CTNND1: variants seen among roughly 807,000 people sequenced by gnomAD.
The protein encoded by CTNND1 is catenin delta 1.
In CTNND1, 16 loss-of-function variants were observed where a neutral mutation model predicts 112.1. The ratio of observed to expected loss-of-function variants is 0.14; its 90% CI spans 0.10 to 0.22. CTNND1 has a LOEUF of 0.22. Ranked by LOEUF, CTNND1 falls within the 10% of genes least tolerant of loss-of-function variation. CTNND1 has a pLI of 1.00. For synonymous variants in CTNND1, 420 were observed against 446.5 expected (o/e 0.94, Z 0.75); for missense variants, 1,008 against 1,257.0 (o/e 0.80, Z 3.00).
chr11:57,780,662 A>G (rs1442327274), intron 1 of CTNND1, among the ~76,000 whole-genome samples: 3 of 152,208 alleles, frequency 2.0e-5, no homozygotes, highest in African/African-American at 7.2e-5. Context: ...TCCTCCTGCT[A>G]TCTGTCCTAA....
At chr11:57,789,911 A>G (rs1157439115) in intron 2 of CTNND1, among the ~76,000 whole-genome samples, 2 of 152,176 alleles carry the variant, frequency 1.3e-5, no homozygotes, top group Non-Finnish European at 2.9e-5. Flanking sequence ...TCCTTTTCCT[A>G]CTTCCCAAGG....
intron 1 of CTNND1, among the ~76,000 whole-genome samples, chr11:57,768,386 CTTTTTTTT>C (rs10617530): frequency 2.2e-4 from 9 of 40,282 alleles, no homozygotes; most frequent in Admixed American, 7.3e-4. Context: ...GGACATCATC[CTTTTTTTT>C]TTTTTTTTTT....
Position 57,811,498 on chromosome 11 carries a change from A to G in CTNND1, c.2638+12A>G. On this transcript the variant is annotated intron_variant, in intron 17 of 20. Transcript: ENST00000399050. ...GAACCAAAAATCAGGTGCAGTATCC[A>G]GAAGGCACACCCTCTCCTTTTAGCC... is the stretch of plus-strand genomic sequence containing the variant. The G allele has an allele frequency of 6.3e-7, 1 of 1,584,574 alleles. No individual in the cohort carries two copies. The highest frequency in any genetic ancestry group is 8.7e-7 in the Non-Finnish European group (1 of 1,154,172).
At chr11:57,810,775 C>T (rs1038713264) in intron 16 of CTNND1, among the ~76,000 whole-genome samples, 2 of 151,686 alleles carry the variant, frequency 1.3e-5, no homozygotes, top group Non-Finnish European at 2.9e-5. Context: ...GGAAACATGG[C>T]GAAACCCATC....
intron 1 of CTNND1, among the ~76,000 whole-genome samples, chr11:57,771,267 T>A (rs1952519979): frequency 6.6e-6 from 1 of 152,176 alleles, no homozygotes; most frequent in African/African-American, 2.4e-5. Flanking sequence ...AGACCTACTG[T>A]TTGTTCTCAA....
At position 57,803,694 on chromosome 11, in the gene CTNND1, A is replaced by G; in HGVS notation, c.1494A>G (p.Thr498=). 6.2e-7 allele frequency: 1 copy of G among 1,613,692 alleles called. No individual in the cohort carries two copies. The highest frequency in any genetic ancestry group is 8.5e-7 in the Non-Finnish European group (1 of 1,179,718). ...EIVDHALHAL[T]DEVIIPHSGW... The stretch of plus-strand genomic sequence containing the variant: ...TGGACCATGCACTGCATGCCTTGAC[A>G]GATGAAGTGATCATTCCTCATTCTG... Residue 498 remains threonine (T), a synonymous_variant, in exon 8 of 21, where the codon ACA becomes ACG. Transcript: ENST00000399050.
intron 1 of CTNND1, among the ~76,000 whole-genome samples, chr11:57,766,743 G>A (rs1453504162): frequency 1.3e-5 from 2 of 152,142 alleles, no homozygotes; most frequent in Non-Finnish European, 2.9e-5. Flanking sequence ...ATTGTTTAAT[G>A]TATTTTTCGG....
intron 17 of CTNND1, among the ~76,000 whole-genome samples, chr11:57,812,854 T>C (rs2063532119): frequency 6.6e-6 from 1 of 152,136 alleles, no homozygotes; most frequent in African/African-American, 2.4e-5. Flanking sequence ...AAAAAATGTG[T>C]GGTAGACAAA....
intron 1 of CTNND1, among the ~76,000 whole-genome samples, chr11:57,762,558 T>C (rs1950088321): frequency 6.6e-6 from 1 of 152,190 alleles, no homozygotes; most frequent in Non-Finnish European, 1.5e-5. Flanking sequence ...AGTGGAAAGT[T>C]GCAGGGAGCT....
At chr11:57,778,211 C>T (rs1012233200) in intron 1 of CTNND1, among the ~76,000 whole-genome samples, 2 of 151,880 alleles carry the variant, frequency 1.3e-5, no homozygotes, top group African/African-American at 4.8e-5. Flanking sequence ...GAGTCCGCTG[C>T]CTTTGTTTGT....
chr11:57,766,901 G>A lies in CTNND1; in HGVS notation c.-214+4782G>A, dbSNP rs115946839. ...TCTTCTCCAGTGAGCCCTTCAGTTT[G>A]ATTGGTGTGGTGTGGACAATTTAGA... On this transcript the variant is annotated intron_variant, in intron 1 of 20. Coordinates refer to ENST00000399050, the MANE Select transcript of CTNND1 (RefSeq NM_001085458.2). 8.6e-3 allele frequency among the ~76,000 whole-genome samples: 1,303 copies of A among 152,024 alleles called. 26 individuals are homozygous for A. Among genetic ancestry groups the A allele is most frequent in the African/African-American group, 0.029 (1,206 of 41,466 alleles).
intron 1 of CTNND1, among the ~76,000 whole-genome samples, chr11:57,770,793 A>G (rs989172287): frequency 2.0e-5 from 3 of 152,246 alleles, no homozygotes; most frequent in African/African-American, 7.2e-5. Context: ...CAATACCTTT[A>G]TCAAAGCACC....
intron 20 of CTNND1, 23 bp from the exon 21 acceptor site, chr11:57,816,274 C>G: frequency 2.5e-6 from 4 of 1,613,380 alleles, no homozygotes; most frequent in Non-Finnish European, 3.4e-6. Context: ...TTAACATTCT[C>G]TCTTTCTCTT....
intron 1 of CTNND1, among the ~76,000 whole-genome samples, chr11:57,766,791 G>A (rs1304573982): frequency 1.3e-5 from 2 of 152,076 alleles, no homozygotes; most frequent in African/African-American, 4.8e-5. Flanking sequence ...GGAATTGCAT[G>A]TTATTATTAA....
Position 57,801,833 on chromosome 11 carries a change from C to G in CTNND1, c.1057C>G (p.Leu353Val). The change falls in exon 7 of 21, where the codon CTG becomes GTG. Residue 353 changes from leucine to valine, a missense_variant. Leu to Val is a conservative substitution (Grantham distance 32, BLOSUM62 1). This residue lies in a region of CTNND1 where 216 missense variants were observed against 342.8 expected (regional missense o/e 0.63). Coordinates refer to ENST00000399050, the MANE Select transcript of CTNND1 (RefSeq NM_001085458.2). ...AGGAAGTTTAGCAAGCTTGGATAGC[C>G]TGCGCAAAGGAGGGCCTCCACCTCC... Reference protein sequence around the residue: ...ERGSLASLDSLRKGGPPPPNW... With the variant: ...ERGSLASLDSVRKGGPPPPNW... The G allele has an allele frequency of 6.2e-7, 1 of 1,614,030 alleles. No homozygotes were observed. The highest frequency in any genetic ancestry group is 8.5e-7 in the Non-Finnish European group (1 of 1,179,896).
At chr11:57,770,351 A>G (rs1042778574) in intron 1 of CTNND1, among the ~76,000 whole-genome samples, 8 of 151,406 alleles carry the variant, frequency 5.3e-5, no homozygotes, top group Non-Finnish European at 1.2e-4. Context: ...ATAAAAAAAA[A>G]AAAGAAAGAT....
rs762711712 is a variant in CTNND1 at position 57,795,599 on chromosome 11, G to C, written c.290G>C (p.Ser97Thr). The change falls in exon 5 of 21, where the codon AGC becomes ACC. Residue 97 changes from serine (S) to threonine (T), a missense_variant. By Grantham distance (58) the Ser-to-Thr change is moderately conservative. Around this residue, in one of 5 missense-constraint regions of CTNND1, gnomAD observed 404 missense variants for 457.9 expected, o/e 0.88. Coordinates refer to ENST00000399050, the MANE Select transcript of CTNND1 (RefSeq NM_001085458.2). Reference protein sequence around the residue: ...GPQDHSHLLYSTIPRMQEPGQ... With the variant: ...GPQDHSHLLYTTIPRMQEPGQ... ...TAGGATCACAGTCACCTTCTATATA[G>C]CACCATCCCCAGGATGCAGGAGCCG... 2 of 1,611,644 alleles carry C rather than the reference G, an allele frequency of 1.2e-6. No individual in the cohort carries two copies. The highest frequency in any genetic ancestry group is 1.7e-4 in the Middle Eastern group (1 of 5,844).
In CTNND1 at chr11:57,816,733, T is replaced by A. The variant is rs984859591; in HGVS notation, c.*425T>A. 1 of 167,846 alleles carries A rather than the reference T, an allele frequency of 6.0e-6. No individual in the cohort carries two copies. The highest frequency in any genetic ancestry group is 2.4e-5 in the African/African-American group (1 of 41,858). 10.4% of individuals were successfully genotyped at this position (167,846 alleles called of 1,614,324 possible). On this transcript the variant is annotated 3_prime_UTR_variant, in exon 21 of 21. Coordinates refer to ENST00000399050, the MANE Select transcript of CTNND1 (RefSeq NM_001085458.2). ...TCCAGCAGTCTGATAAACTGACGATTCTTAATCAAGATTTTTTTCCTGATG... is the reference window on the plus strand; with the variant it reads ...TCCAGCAGTCTGATAAACTGACGATACTTAATCAAGATTTTTTTCCTGATG...
At chr11:57,767,132 C>A (rs886771381) in intron 1 of CTNND1, among the ~76,000 whole-genome samples, 1 of 152,098 alleles carries the variant, frequency 6.6e-6, no homozygotes, top group Non-Finnish European at 1.5e-5. Context: ...CCACCACGCC[C>A]TGCTAATTTT....
Sources: allele counts gnomAD v4.1 joint callset (sites outside exome capture counted in the v4.1 genomes callset), GRCh38; gene constraint gnomAD v4.1.1; regional missense constraint gnomAD v4.1.1; transcripts MANE v1.5; gene names NCBI Gene and HGNC (gene_info 2026-07-23, HGNC 2026-07-21).